The following SETBP1 variants were observed in gnomAD, a reference collection of about 807,000 sequenced individuals.
The protein encoded by SETBP1 is SET binding protein 1.
A neutral mutation model predicts 101.0 loss-of-function variants in SETBP1; 9 were observed. The observed-to-expected ratio is 0.09, with a 90% CI of 0.05 to 0.16. SETBP1 has a LOEUF of 0.16. Among genes scored for constraint, SETBP1 ranks in the 10% least tolerant of loss-of-function variants. The probability of loss-of-function intolerance (pLI) is 1.00; values close to 1 mark genes in which losing one functional copy is unlikely to be tolerated. For synonymous variants in SETBP1, 818 were observed against 788.5 expected (o/e 1.04, Z -0.63); for missense variants, 1,858 against 2,033.8 (o/e 0.91, Z 1.66).
chr18:44,869,660 C>G, intron 3 of SETBP1: 1 of 323,568 alleles, frequency 3.1e-6, no homozygotes, highest in East Asian at 7.6e-5. Context: ...ACTCGCATGT[C>G]TGTAATCTTT....
At chr18:44,771,624 G>T (rs979473841) in intron 2 of SETBP1, among the ~76,000 whole-genome samples, 2 of 152,152 alleles carry the variant, frequency 1.3e-5, no homozygotes, top group African/African-American at 4.8e-5. Context: ...ACGGTGAGGA[G>T]GACATGTGGA....
At chr18:44,875,056 G>A (rs2144709034) in intron 3 of SETBP1, among the ~76,000 whole-genome samples, 1 of 152,300 alleles carries the variant, frequency 6.6e-6, no homozygotes, top group South Asian at 2.1e-4. Flanking sequence ...AAGGCAACTG[G>A]GGGAGTGAGA....
intron 2 of SETBP1, among the ~76,000 whole-genome samples, chr18:44,712,999 C>T (rs1478513610): frequency 6.7e-6 from 1 of 148,416 alleles, no homozygotes; most frequent in African/African-American, 2.5e-5. Context: ...TGCTCTGTCG[C>T]CCAGACTGAA....
chr18:44,800,232 T>G (rs745678018), intron 2 of SETBP1, among the ~76,000 whole-genome samples: 28 of 152,154 alleles, frequency 1.8e-4, no homozygotes, highest in Non-Finnish European at 3.7e-4. Flanking sequence ...GCTACCGTCT[T>G]AGCCCAACAT....
chr18:44,755,424 G>A (rs1384988822), intron 2 of SETBP1, among the ~76,000 whole-genome samples: 1 of 152,146 alleles, frequency 6.6e-6, no homozygotes, highest in East Asian at 1.9e-4. Flanking sequence ...GACAAAGTAG[G>A]AGGAGGAACA....
In SETBP1 at chr18:44,928,829, A is replaced by T. The variant is rs139388072; in HGVS notation, c.541-21052A>T. On this transcript the variant is annotated intron_variant, in intron 3 of 5. Coordinates refer to ENST00000649279, the MANE Select transcript of SETBP1 (RefSeq NM_015559.3). ...AAGTTCTTTGTAGATTCTAGGTATT[A>T]GCCCTTTGTCAGATGGGTAGATTGT... is the stretch of plus-strand genomic sequence containing the variant. Among the ~76,000 whole-genome samples the T allele has an allele frequency of 1.5e-3, 236 of 152,350 alleles. 5 individuals carry two copies. The East Asian group carries it at 0.035, about 22-fold the overall frequency.
intron 4 of SETBP1, among the ~76,000 whole-genome samples, chr18:45,006,272 G>A (rs181149363): frequency 3.3e-5 from 5 of 152,162 alleles, no homozygotes; most frequent in East Asian, 1.9e-4. Flanking sequence ...CTCAACCAGC[G>A]TATTTCCCCC....
At chr18:44,765,576 G>A (rs561616842) in intron 2 of SETBP1, among the ~76,000 whole-genome samples, 5 of 152,242 alleles carry the variant, frequency 3.3e-5, no homozygotes, top group East Asian at 1.9e-4. Context: ...AGTGAATGGC[G>A]GATCCAGTTT....
At chr18:44,977,566 A>G (rs2072018747) in intron 4 of SETBP1, among the ~76,000 whole-genome samples, 1 of 152,264 alleles carries the variant, frequency 6.6e-6, no homozygotes, top group Non-Finnish European at 1.5e-5. Context: ...TTCAGAACTC[A>G]GTGTTGCCTG....
chr18:44,854,867 G>A (rs1180466574), intron 2 of SETBP1, among the ~76,000 whole-genome samples: 1 of 152,144 alleles, frequency 6.6e-6, no homozygotes, highest in Non-Finnish European at 1.5e-5. Flanking sequence ...CTTACGTGAT[G>A]TGGCCTCACT....
intron 3 of SETBP1, among the ~76,000 whole-genome samples, chr18:44,944,862 C>A (rs2071166629): frequency 6.6e-6 from 1 of 151,876 alleles, no homozygotes; most frequent in Non-Finnish European, 1.5e-5. Flanking sequence ...TTTAGGTAAG[C>A]CTGAGATAAG....
chr18:44,787,036 A>G (rs1408015221), intron 2 of SETBP1, among the ~76,000 whole-genome samples: 2 of 152,212 alleles, frequency 1.3e-5, no homozygotes, highest in Non-Finnish European at 2.9e-5. Flanking sequence ...CTGGGAATCC[A>G]TTTATAGACT....
At chr18:44,990,193 C>T (rs544839597) in intron 4 of SETBP1, among the ~76,000 whole-genome samples, 2 of 151,854 alleles carry the variant, frequency 1.3e-5, no homozygotes, top group South Asian at 2.1e-4. Context: ...TTTTCCCAAG[C>T]GTATACTGCA....
intron 2 of SETBP1, among the ~76,000 whole-genome samples, chr18:44,816,093 G>A (rs1032543267): frequency 5.9e-5 from 9 of 152,132 alleles, no homozygotes; most frequent in African/African-American, 1.9e-4. Flanking sequence ...AAAGAAGGAG[G>A]CCTGGGAGAC....
At position 44,951,250 on chromosome 18, in the gene SETBP1, C is replaced by T. The variant is rs1011541536; in HGVS notation, c.1910C>T (p.Pro637Leu). ...RNLAKLAQLV[P>L]GEDKPMSEMK... ...TTAGCGAAGTTGGCCCAGCTAGTGCCGGGAGAGGACAAACCCATGAGCGAG... is the reference window on the plus strand; with the variant it reads ...TTAGCGAAGTTGGCCCAGCTAGTGCTGGGAGAGGACAAACCCATGAGCGAG... The change falls in exon 4 of 6, where the codon CCG becomes CTG. Residue 637 changes from proline (P) to leucine (L), a missense_variant. Physicochemically the swap from Pro to Leu is moderately conservative, Grantham distance 98. Coordinates refer to ENST00000649279, the MANE Select transcript of SETBP1 (RefSeq NM_015559.3). This position sits in a 1 kb window ranked among gnomAD's most constrained non-coding sequence, Gnocchi z 7.8. The T allele has an allele frequency of 7.4e-6, 12 of 1,613,738 alleles. No homozygotes were observed. Among genetic ancestry groups the T allele is most frequent in the East Asian group, 2.2e-5 (1 of 44,886 alleles).
chr18:44,995,044 G>T (rs1248709800), intron 4 of SETBP1, among the ~76,000 whole-genome samples: 2 of 151,338 alleles, frequency 1.3e-5, no homozygotes, highest in African/African-American at 4.9e-5. Flanking sequence ...CCTCTTGCAT[G>T]TTGGGAGTAA....
At chr18:45,028,260 G>C (rs1480120592) in intron 4 of SETBP1, among the ~76,000 whole-genome samples, 1 of 149,622 alleles carries the variant, frequency 6.7e-6, no homozygotes, top group Non-Finnish European at 1.5e-5. Flanking sequence ...AAAATGCAGT[G>C]TTTGGTTTTT....
chr18:45,033,155 A>G (rs2073331052), intron 4 of SETBP1, among the ~76,000 whole-genome samples: 1 of 152,246 alleles, frequency 6.6e-6, no homozygotes, highest in African/African-American at 2.4e-5. Context: ...CTGAATAGAC[A>G]ACCATTATAT....
At chr18:45,005,639 CTTCCTTT>C (rs1419862788) in intron 4 of SETBP1, among the ~76,000 whole-genome samples, 1 of 144,068 alleles carries the variant, frequency 6.9e-6, no homozygotes, top group East Asian at 2.1e-4. Context: ...GTCTTAAAAT[CTTCCTTT>C]TTTTTTTTTT....
Sources: allele counts gnomAD v4.1 joint callset (sites outside exome capture counted in the v4.1 genomes callset), GRCh38; gene constraint gnomAD v4.1.1; non-coding constraint Gnocchi (gnomAD v3.1); transcripts MANE v1.5; gene names NCBI Gene and HGNC (gene_info 2026-07-23, HGNC 2026-07-21).